The following TAS2R1 variants were observed in gnomAD, a reference collection of about 807,000 sequenced individuals.
TAS2R1 encodes taste receptor type 2 member 1.
For synonymous variants in TAS2R1, 141 were observed against 134.2 expected (o/e 1.05, Z -0.35); for missense variants, 370 against 353.4 (o/e 1.05, Z -0.38).
the TAS2R1 span, among the ~76,000 whole-genome samples, chr5:9,876,020 T>C: frequency 6.6e-5 from 10 of 152,086 alleles, no homozygotes; most frequent in East Asian, 1.9e-4. Flanking sequence ...TACCCAACTA[T>C]GGTAGAGACT....
the TAS2R1 span, among the ~76,000 whole-genome samples, chr5:9,725,981 G>GT: frequency 1.3e-5 from 2 of 150,378 alleles, no homozygotes; most frequent in South Asian, 4.2e-4. Flanking sequence ...TCGGCACTCT[G>GT]TATCTAGCTC....
chr5:9,714,314 A>G (rs1415130128), upstream of TAS2R1: 2 of 152,248 alleles, frequency 1.3e-5, no homozygotes, highest in Non-Finnish European at 2.9e-5. Flanking sequence ...GTTCATGATA[A>G]CAAACACAAT....
the TAS2R1 span, among the ~76,000 whole-genome samples, chr5:9,853,291 A>G: frequency 2.0e-5 from 3 of 152,240 alleles, no homozygotes; most frequent in African/African-American, 7.2e-5. Flanking sequence ...CCCGCAGAGC[A>G]GGGCTACCCT....
the TAS2R1 span, among the ~76,000 whole-genome samples, chr5:9,878,034 AG>A: frequency 6.6e-6 from 1 of 152,202 alleles, no homozygotes; most frequent in Non-Finnish European, 1.5e-5. Context: ...TCTCTCTCCT[AG>A]AATTAAACAT....
chr5:9,816,516 A>G, the TAS2R1 span, among the ~76,000 whole-genome samples: 3 of 147,730 alleles, frequency 2.0e-5, no homozygotes, highest in African/African-American at 7.6e-5. Flanking sequence ...ATGAACATAA[A>G]TTGAAAAATC....
chr5:9,708,514 G>A (rs1741668766), intron 1 of TAS2R1, among the ~76,000 whole-genome samples: 1 of 152,074 alleles, frequency 6.6e-6, no homozygotes, highest in African/African-American at 2.4e-5. Flanking sequence ...TCTGACTTTT[G>A]CATACATTGA....
At chr5:9,794,533 A>T in the TAS2R1 span, among the ~76,000 whole-genome samples, 1 of 152,238 alleles carries the variant, frequency 6.6e-6, no homozygotes, top group African/African-American at 2.4e-5. Context: ...CTTATTTTAC[A>T]CAAAAATTAC....
upstream of TAS2R1, among the ~76,000 whole-genome samples, chr5:9,715,152 C>T (rs552412197): frequency 6.6e-6 from 1 of 152,322 alleles, no homozygotes; most frequent in Non-Finnish European, 1.5e-5. Context: ...GCACTACAGA[C>T]TGAACAAAGT....
intron 1 of TAS2R1, among the ~76,000 whole-genome samples, chr5:9,689,907 G>A (rs1445980865): frequency 2.0e-5 from 3 of 152,106 alleles, no homozygotes; most frequent in East Asian, 1.9e-4. Context: ...CTTACTGCAC[G>A]AATGAGCTGG....
the TAS2R1 span, among the ~76,000 whole-genome samples, chr5:9,789,084 T>G: frequency 6.6e-6 from 1 of 152,156 alleles, no homozygotes; most frequent in Non-Finnish European, 1.5e-5. Context: ...AATGAGCTAG[T>G]AGACACCATT....
At chr5:9,862,897 G>A in the TAS2R1 span, 2 of 152,240 alleles carry the variant, frequency 1.3e-5, no homozygotes, top group Non-Finnish European at 2.9e-5. Flanking sequence ...TTCCAGGCAT[G>A]AGCCACTGCG....
At chr5:9,803,935 A>T in the TAS2R1 span, among the ~76,000 whole-genome samples, 1 of 152,180 alleles carries the variant, frequency 6.6e-6, no homozygotes, top group African/African-American at 2.4e-5. Flanking sequence ...CACTTAAAAG[A>T]CCACACAATG....
At chr5:9,847,479 A>T in the TAS2R1 span, among the ~76,000 whole-genome samples, 12 of 152,216 alleles carry the variant, frequency 7.9e-5, no homozygotes, top group Admixed American at 5.2e-4. Context: ...TAAATGCAGA[A>T]CCTGAGATAG....
intron 1 of TAS2R1, among the ~76,000 whole-genome samples, chr5:9,690,547 G>A (rs1741220937): frequency 6.6e-6 from 1 of 151,982 alleles, no homozygotes; most frequent in South Asian, 2.1e-4. Context: ...TAACCTTCGT[G>A]TTGTCTAATT....
chr5:9,784,278 G>T, the TAS2R1 span, among the ~76,000 whole-genome samples: 1 of 152,194 alleles, frequency 6.6e-6, no homozygotes, highest in Admixed American at 6.5e-5. Context: ...GCTGGGACCA[G>T]GCCAAGGTCT....
the TAS2R1 span, among the ~76,000 whole-genome samples, chr5:9,840,349 T>A: frequency 6.6e-6 from 1 of 152,228 alleles, no homozygotes; most frequent in African/African-American, 2.4e-5. Flanking sequence ...GAGTTCTTTA[T>A]CTGAATGAAT....
chr5:9,758,753 G>A, the TAS2R1 span, among the ~76,000 whole-genome samples: 1 of 152,202 alleles, frequency 6.6e-6, no homozygotes, highest in Non-Finnish European at 1.5e-5. Context: ...TGAGAGCCAA[G>A]AAAAGACTCC....
At chr5:9,651,040 G>T (rs1740295782) in intron 2 of TAS2R1, among the ~76,000 whole-genome samples, 1 of 152,148 alleles carries the variant, frequency 6.6e-6, no homozygotes, top group Non-Finnish European at 1.5e-5. Flanking sequence ...CTATTGTTCT[G>T]AACACTTAGA....
chr5:9,666,646 GGGT>G (rs1233199334), intron 1 of TAS2R1, among the ~76,000 whole-genome samples: 1 of 152,048 alleles, frequency 6.6e-6, no homozygotes, highest in Non-Finnish European at 1.5e-5. Context: ...TTGCTGGGTG[GGGT>G]GGGGGCAAAG....
Sources: allele counts gnomAD v4.1 joint callset (sites outside exome capture counted in the v4.1 genomes callset), GRCh38; gene constraint gnomAD v4.1.1; transcripts MANE v1.5; gene names NCBI Gene and HGNC (gene_info 2026-07-23, HGNC 2026-07-21).